The following LIG1 variants were observed in gnomAD, a reference collection of about 807,000 sequenced individuals.
LIG1 encodes the protein DNA ligase 1, also known as ligase I, DNA, ATP-dependent.
In LIG1, 70 loss-of-function variants were observed where a neutral mutation model predicts 115.7. That is an observed-to-expected ratio of 0.60 (90% CI 0.50 to 0.74). The LOEUF (loss-of-function observed/expected upper bound fraction) is 0.74, where lower values mean the gene tolerates loss of function less well. Ranked by LOEUF, LIG1 falls within the 30% of genes least tolerant of loss-of-function variation. The pLI is 0.00. For synonymous variants in LIG1, 487 were observed against 495.3 expected (o/e 0.98, Z 0.22); for missense variants, 1,115 against 1,225.6 (o/e 0.91, Z 1.35).
Position 48,123,218 on chromosome 19 carries a change from T to C in LIG1, c.2105A>G (p.Lys702Arg), listed in dbSNP as rs780941248. ...GAACTCGGCGATCTGCTCGATGTCC[T>C]TGGTGTCCAGGGAGGTGGCGAAGAC... is the stretch of plus-strand genomic sequence containing the variant. The part of the protein sequence containing the change: ...EFVFATSLDT[K>R]DIEQIAEFLE... Residue 702 changes from lysine to arginine, a missense_variant, in exon 22 of 28, where the codon AAG (lysine) becomes AGG (arginine). Lys to Arg is a conservative substitution (Grantham distance 26). Coordinates refer to ENST00000263274, the MANE Select transcript of LIG1 (RefSeq NM_000234.3). 1 of 1,613,994 alleles carries C rather than the reference T, an allele frequency of 6.2e-7. No homozygotes were observed. Among genetic ancestry groups the C allele is most frequent in the African/African-American group, 1.3e-5 (1 of 74,914 alleles).
chr19:48,121,524 G>C (rs907006124), intron 23 of LIG1, among the ~76,000 whole-genome samples: 1 of 152,190 alleles, frequency 6.6e-6, no homozygotes. Context: ...AAATGGGGCC[G>C]GGCACGGTGG....
chr19:48,128,998 G>C (rs991545582), intron 19 of LIG1, among the ~76,000 whole-genome samples: 1 of 152,080 alleles, frequency 6.6e-6, no homozygotes, highest in Non-Finnish European at 1.5e-5. Context: ...GACCGCAAGT[G>C]ATCTGCCTGC....
At chr19:48,127,137 T>C in intron 21 of LIG1, 140 bp downstream of exon 21, 1 of 747,636 alleles carries the variant, frequency 1.3e-6, no homozygotes, top group South Asian at 1.4e-5. Flanking sequence ...CAGACCACAC[T>C]TTGAGAACTG....
chr19:48,161,997 T>TGGCCAGTGGCCAGC (rs1555782105), intron 3 of LIG1, among the ~76,000 whole-genome samples: 2 of 151,860 alleles, frequency 1.3e-5, no homozygotes, highest in African/African-American at 4.8e-5. Context: ...ACGTGGCCAG[T>TGGCCAGTGGCCAGC]GGCCAGCGGC....
intron 10 of LIG1, 105 bp downstream of exon 10, chr19:48,143,778 A>G: frequency 2.6e-6 from 3 of 1,151,304 alleles, no homozygotes; most frequent in East Asian, 2.3e-5. Flanking sequence ...GCCAAAACAC[A>G]GGAGGGAGAG....
chr19:48,116,112 GCTTGGAACAGTA>G, intron 26 of LIG1, 147 bp from the exon 27 acceptor site: 1 of 695,812 alleles, frequency 1.4e-6, no homozygotes, highest in South Asian at 1.6e-5. Context: ...TTGACAAAGT[GCTTGGAACAGTA>G]CCCGGGCACA....
In LIG1 at chr19:48,122,664, G is replaced by A. The variant is rs1006763557; in HGVS notation, c.2232+270C>T. ...CCCAAGAGCCTGGCCCGACACGGGC[G>A]GCAGGCTCAGGAGAGAGACACCTCA... is the stretch of plus-strand genomic sequence containing the variant. On this transcript the variant is annotated intron_variant, in intron 23 of 27. Coordinates refer to ENST00000263274, the MANE Select transcript of LIG1 (RefSeq NM_000234.3). This position sits in a 1 kb window ranked among gnomAD's most constrained non-coding sequence, Gnocchi z 4.3. Among the ~76,000 whole-genome samples the A allele has an allele frequency of 9.2e-5, 14 of 152,328 alleles. No individual in the cohort carries two copies. Among genetic ancestry groups the A allele is most frequent in the African/African-American group, 2.6e-4 (11 of 41,570 alleles).
At chr19:48,116,078 G>T in intron 26 of LIG1, 113 bp from the exon 27 acceptor site, 1 of 779,510 alleles carries the variant, frequency 1.3e-6, no homozygotes, top group Non-Finnish European at 2.2e-6. Context: ...GCCGAACGAT[G>T]GGTTGTCATA....
intron 21 of LIG1, among the ~76,000 whole-genome samples, chr19:48,124,095 C>G (rs1189355044): frequency 6.6e-6 from 1 of 152,152 alleles, no homozygotes; most frequent in Non-Finnish European, 1.5e-5. Context: ...CTCTTTTGTT[C>G]GATCGGTCCC....
rs77977931 is a variant in LIG1, at chr19:48,138,640, G to A, written c.1088-952C>T. On this transcript the variant is annotated intron_variant, in intron 12 of 27. Transcript: ENST00000263274. Reference sequence around the variant, plus strand: ...AGCCACGGGGGCCACAAGGCGGCACGGAGAGCAGTGTGAGTGTGAACACGA... The same window carrying A: ...AGCCACGGGGGCCACAAGGCGGCACAGAGAGCAGTGTGAGTGTGAACACGA... Among the ~76,000 whole-genome samples the A allele has an allele frequency of 4.9e-4, 75 of 152,338 alleles. 1 individual carries two copies. In the East Asian group the frequency reaches 0.012, roughly 24 times the overall value.
chr19:48,168,941 T>A (rs2036618231), intron 1 of LIG1, among the ~76,000 whole-genome samples: 1 of 152,172 alleles, frequency 6.6e-6, no homozygotes, highest in Non-Finnish European at 1.5e-5. Context: ...GCAAACTGTA[T>A]AATTGTGAAT....
chr19:48,117,843 T>C, intron 25 of LIG1, 62 bp from the exon 26 acceptor site: 2 of 1,585,538 alleles, frequency 1.3e-6, no homozygotes, highest in Non-Finnish European at 1.7e-6. Context: ...AGGCCAAGTG[T>C]TGGAGGGCTG....
chr19:48,127,888 G>A (rs564339665), intron 20 of LIG1, 22 bp downstream of exon 20: 3 of 1,588,134 alleles, frequency 1.9e-6, no homozygotes, highest in East Asian at 2.2e-5. Flanking sequence ...GCCTTGGCAG[G>A]CAGTGGAGCG....
chr19:48,125,228 T>C (rs921743762), intron 21 of LIG1, among the ~76,000 whole-genome samples: 1 of 152,162 alleles, frequency 6.6e-6, no homozygotes, highest in Non-Finnish European at 1.5e-5. Flanking sequence ...GAAATGCTCA[T>C]GGGAGACAAA....
In LIG1 at chr19:48,119,070, G is replaced by A. The variant is rs1298667390; in HGVS notation, c.2439+67C>T. On this transcript the variant is annotated intron_variant, in intron 25 of 27. Transcript: ENST00000263274. ...TGGTGGAAGCCAAGAGCCCTGCATG[G>A]AAGGACTGTGCTGTCAGGGGCAGGG... 39 of 1,297,650 alleles carry A rather than the reference G, an allele frequency of 3.0e-5. 1 individual carries two copies. The East Asian group carries it at 3.0e-4, about 10-fold the overall frequency. 80.4% of individuals were successfully genotyped at this position (1,297,650 alleles called of 1,614,324 possible).
At chr19:48,130,897 G>GA (rs1301311211) in intron 19 of LIG1, among the ~76,000 whole-genome samples, 179 bp downstream of exon 19, 7 of 152,160 alleles carry the variant, frequency 4.6e-5, no homozygotes, top group East Asian at 1.9e-4. Flanking sequence ...CTAGATGTGA[G>GA]AAAAAATCAT....
intron 2 of LIG1, among the ~76,000 whole-genome samples, chr19:48,165,026 C>T (rs1351805991): frequency 1.3e-5 from 2 of 152,150 alleles, no homozygotes; most frequent in East Asian, 1.9e-4. Flanking sequence ...TCTGGGAGGC[C>T]GAGGTGGGCG....
intron 2 of LIG1, among the ~76,000 whole-genome samples, chr19:48,164,985 G>A (rs1034663062): frequency 2.0e-5 from 3 of 152,212 alleles, no homozygotes; most frequent in African/African-American, 4.8e-5. Context: ...CACTGGCCGG[G>A]CGCCGTGGCT....
In LIG1 at chr19:48,152,943, T is replaced by C. The variant is rs3730896; in HGVS notation, c.466+929A>G. Among the ~76,000 whole-genome samples the C allele has an allele frequency of 1.2e-3, 185 of 152,316 alleles. 8 individuals carry two copies. The East Asian group carries it at 0.023, about 19-fold the overall frequency. ...TGGGCGCAGTGGCTCACGCCTGTAATCCCAGGGCTTTGTGAGGCCGAGGTG... is the reference window on the plus strand; with the variant it reads ...TGGGCGCAGTGGCTCACGCCTGTAACCCCAGGGCTTTGTGAGGCCGAGGTG... On this transcript the variant is annotated intron_variant, in intron 6 of 27. Transcript: ENST00000263274.
Sources: gnomAD v4.1 joint callset for allele counts (sites outside exome capture counted in the v4.1 genomes callset) on GRCh38, gnomAD v4.1.1 for gene constraint, Gnocchi (gnomAD v3.1) non-coding constraint, MANE v1.5 for transcripts, NCBI Gene and HGNC (gene_info 2026-07-23, HGNC 2026-07-21) for gene names.